The following NCOA3 variants were observed in gnomAD, a reference collection of about 807,000 sequenced individuals.
NCOA3 encodes the protein nuclear receptor coactivator 3.
Under a neutral mutation model 158.8 loss-of-function variants are expected in NCOA3, and 51 were observed. That is an observed-to-expected ratio of 0.32 (90% CI 0.26 to 0.41). The LOEUF (loss-of-function observed/expected upper bound fraction) is 0.41, where lower values mean the gene tolerates loss of function less well. Ranked by LOEUF, NCOA3 falls within the 10% of genes least tolerant of loss-of-function variation. NCOA3 has a pLI of 1.00. For synonymous variants in NCOA3, 537 were observed against 592.4 expected, an observed-to-expected ratio of 0.91 and a Z score of 1.36; for missense variants, 1,510 against 1,746.6, an observed-to-expected ratio of 0.86 and a Z score of 2.41.
intron 1 of NCOA3, among the ~76,000 whole-genome samples, chr20:47,568,809 T>A (rs905736162): frequency 5.3e-5 from 8 of 150,490 alleles, no homozygotes; most frequent in Admixed American, 2.7e-4. Context: ...AAAAAAAAAA[T>A]TATTGCTAAA....
At chr20:47,640,465 A>G (rs1003976217) in intron 16 of NCOA3, among the ~76,000 whole-genome samples, 2 of 152,234 alleles carry the variant, frequency 1.3e-5, no homozygotes, top group Non-Finnish European at 2.9e-5. Context: ...TTTTCCCCCA[A>G]CCACCTGCTG....
At chr20:47,549,629 G>T (rs1439713763) in intron 1 of NCOA3, among the ~76,000 whole-genome samples, 1 of 150,446 alleles carries the variant, frequency 6.6e-6, no homozygotes. Flanking sequence ...CTAGAGGCTT[G>T]AGCACAGATG....
At chr20:47,563,651 C>T (rs2085143009) in intron 1 of NCOA3, among the ~76,000 whole-genome samples, 1 of 152,072 alleles carries the variant, frequency 6.6e-6, no homozygotes, top group African/African-American at 2.4e-5. Flanking sequence ...CTTTGGGAGG[C>T]TGAGGCAGGC....
rs1192204591 is a variant in NCOA3 at position 47,622,343 on chromosome 20, T to C, written c.83+13T>C. The C allele has an allele frequency of 6.5e-7, 1 of 1,545,448 alleles. No individual in the cohort carries two copies. Among genetic ancestry groups the C allele is most frequent in the Non-Finnish European group, 8.8e-7 (1 of 1,134,394 alleles). ...CTCCAGGACAAGGGTAGGTGACTTA[T>C]TTCCTGGTGCTTTACCACACTTGTT... On this transcript the variant is annotated intron_variant, in intron 3 of 22. Coordinates refer to ENST00000371998, the MANE Select transcript of NCOA3 (RefSeq NM_181659.3).
At chr20:47,564,368 A>T (rs2085158656) in intron 1 of NCOA3, among the ~76,000 whole-genome samples, 2 of 151,840 alleles carry the variant, frequency 1.3e-5, no homozygotes, top group African/African-American at 4.8e-5. Flanking sequence ...CTGTTGTTGG[A>T]TGTCCTTTAT....
intron 1 of NCOA3, among the ~76,000 whole-genome samples, chr20:47,535,940 C>G (rs549187904): frequency 6.6e-6 from 1 of 152,136 alleles, no homozygotes; most frequent in Non-Finnish European, 1.5e-5. Flanking sequence ...CGACCACCCC[C>G]TATCAAATTC....
chr20:47,655,608 TG>T lies in NCOA3; in HGVS notation c.*2192del, dbSNP rs2086858892. 6.6e-6 allele frequency: 1 copy of T among 152,588 alleles called. No individual in the cohort carries two copies. Among genetic ancestry groups the T allele is most frequent in the Non-Finnish European group, 1.5e-5 (1 of 68,030 alleles). The allele number at this position is 152,588 out of a possible 1,614,324, so 9.5% of individuals were successfully genotyped here. The stretch of plus-strand genomic sequence containing the variant: ...TCCGAAAACTTCCATTGTAGTGGCC[TG>T]TGCTTTTCAGATAGTATACTCTCCT... On this transcript the variant is annotated 3_prime_UTR_variant, in exon 23 of 23. Transcript: ENST00000371998.
chr20:47,652,593 G>A lies in NCOA3; in HGVS notation c.4121+13G>A. The A allele has an allele frequency of 6.3e-7, 1 of 1,593,560 alleles. No individual in the cohort carries two copies. The highest frequency in any genetic ancestry group is 1.7e-4 in the Middle Eastern group (1 of 5,980). ...TGGCCAGGAACAGGTAAAGAACAGT[G>A]ACTTATAAAGTTAGTCACATCCTAG... On this transcript the variant is annotated intron_variant, in intron 21 of 22. Coordinates refer to ENST00000371998, the MANE Select transcript of NCOA3 (RefSeq NM_181659.3).
intron 5 of NCOA3, 63 bp downstream of exon 5, chr20:47,625,544 T>TA (rs895696539): frequency 1.5e-5 from 18 of 1,172,258 alleles, no homozygotes; most frequent in African/African-American, 4.7e-5. Context: ...TATAAAGTTA[T>TA]AAAAAATCGA....
chr20:47,526,797 G>C (rs1210254740), intron 1 of NCOA3, among the ~76,000 whole-genome samples: 1 of 151,924 alleles, frequency 6.6e-6, no homozygotes, highest in South Asian at 2.1e-4. Flanking sequence ...GAGAGGGGAG[G>C]GGAGAGGGAG....
chr20:47,525,932 C>T (rs867279989), intron 1 of NCOA3, among the ~76,000 whole-genome samples: 4,889 of 56,936 alleles, frequency 0.086, no homozygotes, highest in Admixed American at 0.14. Flanking sequence ...GCTGGCCGGG[C>T]GGGGGGCTGA....
chr20:47,622,638 A>G (rs1249386277), intron 3 of NCOA3, among the ~76,000 whole-genome samples: 1 of 152,198 alleles, frequency 6.6e-6, no homozygotes, highest in Non-Finnish European at 1.5e-5. Context: ...TGAAGAGACC[A>G]CCAGACTTTG....
At chr20:47,568,772 G>A (rs6018554) in intron 1 of NCOA3, among the ~76,000 whole-genome samples, 6 of 151,770 alleles carry the variant, frequency 4.0e-5, no homozygotes, top group African/African-American at 1.5e-4. Context: ...CTCCAGCTTC[G>A]GTGACAGAGC....
chr20:47,512,432 G>T (rs2084160298), intron 1 of NCOA3, among the ~76,000 whole-genome samples: 2 of 151,872 alleles, frequency 1.3e-5, no homozygotes, highest in South Asian at 4.2e-4. Flanking sequence ...GCCGGGCATG[G>T]TGGCACATGC....
chr20:47,654,201 TG>T lies in NCOA3; in HGVS notation c.*786del, dbSNP rs1568762335. The T allele has an allele frequency of 1.3e-5, 2 of 152,672 alleles. No individual in the cohort carries two copies. Among genetic ancestry groups the T allele is most frequent in the Non-Finnish European group, 2.9e-5 (2 of 68,042 alleles). 9.5% of individuals were successfully genotyped at this position (152,672 alleles called of 1,614,324 possible). On this transcript the variant is annotated 3_prime_UTR_variant, in exon 23 of 23. Transcript: ENST00000371998. ...TTGAGGGAATAGTGAAACACATTCC[TG>T]GTTTTTGCCTACACTTACGTGTTAG...
At chr20:47,526,166 G>T (rs1469509632) in intron 1 of NCOA3, among the ~76,000 whole-genome samples, 1 of 150,922 alleles carries the variant, frequency 6.6e-6, no homozygotes, top group Non-Finnish European at 1.5e-5. Flanking sequence ...GACGATGGGC[G>T]GCCGGGCAGA....
chr20:47,576,584 T>G (rs2085375718), intron 1 of NCOA3, among the ~76,000 whole-genome samples: 1 of 152,170 alleles, frequency 6.6e-6, no homozygotes, highest in Non-Finnish European at 1.5e-5. Context: ...TTGAACTTAT[T>G]GTGTTCTTTG....
chr20:47,544,683 C>G (rs1017111803), intron 1 of NCOA3, among the ~76,000 whole-genome samples: 2 of 152,034 alleles, frequency 1.3e-5, no homozygotes, highest in African/African-American at 4.8e-5. Flanking sequence ...CTTTTTCTTT[C>G]AGTTGATATC....
intron 2 of NCOA3, among the ~76,000 whole-genome samples, chr20:47,588,325 G>T (rs1047979369): frequency 1.3e-5 from 2 of 151,448 alleles, no homozygotes; most frequent in Non-Finnish European, 2.9e-5. Flanking sequence ...AATAGAGACA[G>T]GGTCTCACCA....
Sources: allele counts gnomAD v4.1 joint callset (sites outside exome capture counted in the v4.1 genomes callset), GRCh38; gene constraint gnomAD v4.1.1; transcripts MANE v1.5; gene names NCBI Gene and HGNC (gene_info 2026-07-23, HGNC 2026-07-21).